WBP1L: variants seen among roughly 807,000 people sequenced by gnomAD.
WBP1L encodes the protein WW domain binding protein 1 like.
WBP1L carries 17 observed loss-of-function variants against 33.7 expected under a neutral mutation model. The observed-to-expected ratio is 0.50, with a 90% CI of 0.34 to 0.76. The LOEUF (loss-of-function observed/expected upper bound fraction) is 0.76. WBP1L is among the 30% of genes least tolerant of loss of function. The pLI, the probability that WBP1L is intolerant of heterozygous loss-of-function variation, is 0.01. For missense variants in WBP1L, 389 were observed against 469.4 expected, an observed-to-expected ratio of 0.83 and a Z score of 1.58; for synonymous variants, 173 against 190.8, an observed-to-expected ratio of 0.91 and a Z score of 0.77.
At chr10:102,762,246 C>G (rs1843051442) in intron 1 of WBP1L, among the ~76,000 whole-genome samples, 1 of 152,080 alleles carries the variant, frequency 6.6e-6, no homozygotes, top group East Asian at 1.9e-4. Flanking sequence ...TGAAAGATAA[C>G]AATGTTCCTC....
chr10:102,760,372 C>CTT (rs1843021768), intron 1 of WBP1L, among the ~76,000 whole-genome samples: 2 of 96,918 alleles, frequency 2.1e-5, no homozygotes, highest in Admixed American at 1.1e-4. Flanking sequence ...TTCTTTCTTT[C>CTT]TTTCTTTTTT....
intron 1 of WBP1L, among the ~76,000 whole-genome samples, chr10:102,778,498 A>C (rs1290385933): frequency 1.3e-5 from 2 of 152,276 alleles, no homozygotes; most frequent in African/African-American, 4.8e-5. Context: ...AAGGGTTGGG[A>C]TGGTTGTTTT....
In WBP1L at chr10:102,813,465, C is replaced by T; in HGVS notation, c.*134C>T. The T allele has an allele frequency of 8.1e-7, 1 of 1,238,234 alleles. No homozygotes were observed. Among genetic ancestry groups the T allele is most frequent in the East Asian group, 2.5e-5 (1 of 39,226 alleles). The allele number at this position is 1,238,234 out of a possible 1,614,324, so 76.7% of individuals were successfully genotyped here. On this transcript the variant is annotated 3_prime_UTR_variant, in exon 4 of 4. Transcript: ENST00000448841. ...TTCCTTTTTGTTTGTTTTCCTTCTC[C>T]TCTCCTGCATTTTCCTCCATCTCCA...
intron 2 of WBP1L, among the ~76,000 whole-genome samples, chr10:102,798,315 C>T (rs1843602369): frequency 1.3e-5 from 2 of 152,190 alleles, no homozygotes; most frequent in African/African-American, 4.8e-5. Flanking sequence ...TGGTCTTAGC[C>T]AGGTCTGCTG....
At chr10:102,773,489 T>A (rs1843217978) in intron 1 of WBP1L, among the ~76,000 whole-genome samples, 1 of 151,906 alleles carries the variant, frequency 6.6e-6, no homozygotes, top group Non-Finnish European at 1.5e-5. Flanking sequence ...AGGAAGTCTA[T>A]AATGCAATTT....
At chr10:102,763,197 A>G (rs542508189) in intron 1 of WBP1L, among the ~76,000 whole-genome samples, 1 of 101,114 alleles carries the variant, frequency 9.9e-6, no homozygotes, top group African/African-American at 4.1e-5. Flanking sequence ...ACAGAGTGAA[A>G]CTTTTGTCTC....
intron 1 of WBP1L, among the ~76,000 whole-genome samples, chr10:102,752,285 G>A (rs1312478143): frequency 6.6e-6 from 1 of 152,136 alleles, no homozygotes; most frequent in Non-Finnish European, 1.5e-5. Context: ...GCCTTACCAG[G>A]TCCTGTTCAT....
At chr10:102,758,629 T>G (rs1843004419) in intron 1 of WBP1L, among the ~76,000 whole-genome samples, 1 of 152,082 alleles carries the variant, frequency 6.6e-6, no homozygotes, top group South Asian at 2.1e-4. Flanking sequence ...AGACGAGAGA[T>G]TGTAATAAAT....
intron 1 of WBP1L, among the ~76,000 whole-genome samples, chr10:102,753,454 T>C (rs1842943456): frequency 6.6e-6 from 1 of 152,162 alleles, no homozygotes; most frequent in Admixed American, 6.5e-5. Context: ...ACAAATCCCA[T>C]CCTATTGAAT....
At chr10:102,749,562 C>T (rs1255777972) in intron 1 of WBP1L, among the ~76,000 whole-genome samples, 1 of 151,972 alleles carries the variant, frequency 6.6e-6, no homozygotes, top group Admixed American at 6.6e-5. Context: ...GATCCTTCCA[C>T]CTTGGCCTCC....
intron 2 of WBP1L, among the ~76,000 whole-genome samples, chr10:102,806,356 C>A (rs181273124): frequency 6.6e-6 from 1 of 152,026 alleles, no homozygotes; most frequent in Non-Finnish European, 1.5e-5. Context: ...TTAGACTTGA[C>A]TCCGAAATAC....
rs969784045 is a variant in WBP1L at position 102,788,799 on chromosome 10, TG to T, written c.91-9187del. On this transcript the variant is annotated intron_variant, in intron 1 of 3. Transcript: ENST00000448841. ...TCTGCAAGAGCAGCCACAACCTGGC[TG>T]GGGGGGATAAATAAAGGCTCAAGGT... 4.6e-5 allele frequency among the ~76,000 whole-genome samples: 7 copies of T among 152,176 alleles called. No individual in the cohort carries two copies. In the South Asian group the frequency reaches 6.2e-4, roughly 14 times the overall value.
chr10:102,765,699 A>G (rs1843097651), intron 1 of WBP1L, among the ~76,000 whole-genome samples: 1 of 152,212 alleles, frequency 6.6e-6, no homozygotes, highest in Non-Finnish European at 1.5e-5. Context: ...GGTAGGGCTG[A>G]GAAGAAATAT....
chr10:102,801,341 T>TTA (rs1590190071), intron 2 of WBP1L, among the ~76,000 whole-genome samples: 1 of 152,184 alleles, frequency 6.6e-6, no homozygotes, highest in African/African-American at 2.4e-5. Flanking sequence ...CTCTTGAACT[T>TTA]TAGCAGGCAT....
At chr10:102,755,521 A>G (rs1014628029) in intron 1 of WBP1L, among the ~76,000 whole-genome samples, 1 of 151,728 alleles carries the variant, frequency 6.6e-6, no homozygotes, top group Non-Finnish European at 1.5e-5. Flanking sequence ...CTCCCTGAGT[A>G]CCTGGGATTA....
chr10:102,810,567 T>TTC (rs1242418974), intron 3 of WBP1L, among the ~76,000 whole-genome samples: 24 of 131,626 alleles, frequency 1.8e-4, no homozygotes, highest in Non-Finnish European at 3.1e-4. Flanking sequence ...TCTATTTCTT[T>TTC]TTTTTTTTTT....
chr10:102,793,338 G>A (rs1040565818), intron 1 of WBP1L, among the ~76,000 whole-genome samples: 11 of 152,126 alleles, frequency 7.2e-5, no homozygotes, highest in Non-Finnish European at 1.3e-4. Flanking sequence ...CTAGCTACTC[G>A]GGAGGCTGAG....
At chr10:102,768,749 G>A (rs978052038) in intron 1 of WBP1L, among the ~76,000 whole-genome samples, 3 of 142,586 alleles carry the variant, frequency 2.1e-5, no homozygotes, top group East Asian at 2.1e-4. Context: ...GTGCAGTGGT[G>A]TGATCTCGGC....
chr10:102,782,573 C>T (rs1320905323), intron 1 of WBP1L, among the ~76,000 whole-genome samples: 1 of 152,098 alleles, frequency 6.6e-6, no homozygotes, highest in African/African-American at 2.4e-5. Context: ...GGCTTCTTGA[C>T]TCTTATTTCT....
Sources: allele counts gnomAD v4.1 joint callset (sites outside exome capture counted in the v4.1 genomes callset), GRCh38; gene constraint gnomAD v4.1.1; transcripts MANE v1.5; gene names NCBI Gene and HGNC (gene_info 2026-07-23, HGNC 2026-07-21).